The following UNC93A variants were observed in gnomAD, a reference collection of about 807,000 sequenced individuals.
The protein encoded by UNC93A is N-acetylglucosamine transporter UNC93A.
In UNC93A, 43 loss-of-function variants were observed where a neutral mutation model predicts 47.5. The ratio of observed to expected loss-of-function variants is 0.91; its 90% CI spans 0.71 to 1.17. The LOEUF (loss-of-function observed/expected upper bound fraction) is 1.17, where lower values mean the gene tolerates loss of function less well. Among genes scored for constraint, UNC93A ranks in the 50% most tolerant of loss-of-function variants. The probability of loss-of-function intolerance (pLI) is 0.00; values close to 1 mark genes in which losing one functional copy is unlikely to be tolerated. For synonymous variants in UNC93A, 280 were observed against 258.0 expected (o/e 1.09, Z -0.82); for missense variants, 605 against 577.6 (o/e 1.05, Z -0.49).
At chr6:167,273,851 GT>G (rs72371728) in intron 1 of UNC93A, among the ~76,000 whole-genome samples, 82,589 of 150,886 alleles carry the variant, frequency 0.55, 23,598 homozygotes, top group African/African-American at 0.71. Context: ...AAATATCTGG[GT>G]TAGGATAAGG....
chr6:167,307,543 A>T (rs1778434383), intron 6 of UNC93A, among the ~76,000 whole-genome samples: 1 of 151,188 alleles, frequency 6.6e-6, no homozygotes, highest in South Asian at 2.1e-4. Flanking sequence ...GATGGTTGAG[A>T]CAGTTGAGAT....
intron 1 of UNC93A, among the ~76,000 whole-genome samples, chr6:167,275,392 C>T (rs1223457745): frequency 6.6e-6 from 1 of 152,218 alleles, no homozygotes; most frequent in Non-Finnish European, 1.5e-5. Context: ...CCTTCCGTTT[C>T]CCTAATGATT....
intron 1 of UNC93A, among the ~76,000 whole-genome samples, chr6:167,278,491 AC>A (rs2115079082): frequency 6.6e-6 from 1 of 152,324 alleles, no homozygotes; most frequent in South Asian, 2.1e-4. Flanking sequence ...GCCTGCCCTC[AC>A]CTGACAATCA....
chr6:167,269,688 G>C (rs1783420590), upstream of UNC93A, among the ~76,000 whole-genome samples: 1 of 152,072 alleles, frequency 6.6e-6, no homozygotes, highest in Non-Finnish European at 1.5e-5. Context: ...CTCACTGCCA[G>C]CTCCGCCTCC....
At chr6:167,273,575 G>A (rs1271727903) in intron 1 of UNC93A, among the ~76,000 whole-genome samples, 1 of 152,198 alleles carries the variant, frequency 6.6e-6, no homozygotes, top group Non-Finnish European at 1.5e-5. Context: ...GATTTATTCT[G>A]AGCCAAACGT....
At position 167,305,084 on chromosome 6, in the gene UNC93A, C is replaced by T. The variant is rs543085523; in HGVS notation, c.841-831C>T. Among the ~76,000 whole-genome samples the T allele has an allele frequency of 3.4e-4, 49 of 143,950 alleles. 2 individuals carry two copies. The highest frequency in any genetic ancestry group is 7.2e-3 in the Middle Eastern group (2 of 276). The allele number at this position is 143,950 out of a possible 152,430, so 94.4% of individuals were successfully genotyped here. A position where few individuals can be genotyped will look rare whatever the true frequency, so the allele number is the denominator to read the frequency against. On this transcript the variant is annotated intron_variant, in intron 5 of 7. Transcript: ENST00000230256. ...CTGTGTCTGGCAGAGGCTCTCCTTC[C>T]GGAGGAAACTTCTCTGCTCCAGATC...
intron 1 of UNC93A, among the ~76,000 whole-genome samples, chr6:167,292,022 C>CA (rs1783852568): frequency 1.3e-5 from 2 of 152,204 alleles, no homozygotes; most frequent in Admixed American, 1.3e-4. Context: ...ACTTTGACAA[C>CA]ATGATCTCTC....
intron 1 of UNC93A, among the ~76,000 whole-genome samples, chr6:167,292,868 GTCC>G (rs748077980): frequency 6.6e-6 from 1 of 152,144 alleles, no homozygotes; most frequent in Non-Finnish European, 1.5e-5. Context: ...AGACCCTGCT[GTCC>G]TCCTGGCACA....
At chr6:167,273,533 A>G (rs1454390557) in intron 1 of UNC93A, among the ~76,000 whole-genome samples, 1 of 152,210 alleles carries the variant, frequency 6.6e-6, no homozygotes, top group Admixed American at 6.5e-5. Flanking sequence ...AGTTGTCTAT[A>G]AAAAGAGCCA....
At chr6:167,305,640 A>T (rs1368972864) in intron 5 of UNC93A, among the ~76,000 whole-genome samples, 3 of 152,184 alleles carry the variant, frequency 2.0e-5, no homozygotes, top group African/African-American at 7.2e-5. Context: ...CATATAAAAT[A>T]GTGCCCATTT....
intron 1 of UNC93A, among the ~76,000 whole-genome samples, chr6:167,274,184 TA>T (rs1400236201): frequency 2.0e-5 from 3 of 152,176 alleles, no homozygotes; most frequent in Non-Finnish European, 4.4e-5. Context: ...ACAGGGTTAG[TA>T]AGACCCCTCC....
In UNC93A at chr6:167,312,454, C is replaced by T. The variant is rs569319567; in HGVS notation, c.1109-2733C>T. On this transcript the variant is annotated intron_variant, in intron 7 of 7. Coordinates refer to ENST00000230256, the MANE Select transcript of UNC93A (RefSeq NM_018974.4). ...TACTCTGTAATTCTTCCATAAAAAACGCCTGTCCCTTCTCCCCGATGTATT... is the reference window on the plus strand; with the variant it reads ...TACTCTGTAATTCTTCCATAAAAAATGCCTGTCCCTTCTCCCCGATGTATT... 2.1e-3 allele frequency among the ~76,000 whole-genome samples: 313 copies of T among 150,870 alleles called. 2 individuals are homozygous for T. Among genetic ancestry groups the T allele is most frequent in the African/African-American group, 7.2e-3 (298 of 41,142 alleles).
upstream of UNC93A, among the ~76,000 whole-genome samples, chr6:167,290,237 T>G (rs115474983): frequency 1.3e-5 from 2 of 152,218 alleles, no homozygotes; most frequent in East Asian, 3.8e-4. Flanking sequence ...TATGTAAGCA[T>G]GATAGTCCAT....
intron 5 of UNC93A, 91 bp downstream of exon 5, chr6:167,304,224 A>C: frequency 5.6e-6 from 8 of 1,417,532 alleles, no homozygotes; most frequent in Non-Finnish European, 7.8e-6. Context: ...AGAGTGTCTC[A>C]GGCCACCTGC....
chr6:167,305,803 C>T (rs1267112796), intron 5 of UNC93A, 112 bp from the exon 6 acceptor site: 15 of 1,470,376 alleles, frequency 1.0e-5, no homozygotes, highest in African/African-American at 1.4e-5. Context: ...GTAGGCAACA[C>T]TGGCCTGCTG....
At chr6:167,295,329 C>T (rs546675708) in intron 2 of UNC93A, among the ~76,000 whole-genome samples, 4 of 152,362 alleles carry the variant, frequency 2.6e-5, no homozygotes, top group East Asian at 1.9e-4. Context: ...GGCATGCCGC[C>T]GCTGAGGCCC....
intron 4 of UNC93A, among the ~76,000 whole-genome samples, chr6:167,302,114 C>G (rs1027930713): frequency 6.6e-6 from 1 of 152,174 alleles, no homozygotes; most frequent in Non-Finnish European, 1.5e-5. Flanking sequence ...ATCTGCATTT[C>G]TAGGTGGAAC....
At chr6:167,278,480 G>A (rs976726615) in intron 1 of UNC93A, among the ~76,000 whole-genome samples, 5 of 152,164 alleles carry the variant, frequency 3.3e-5, no homozygotes, top group South Asian at 2.1e-4. Flanking sequence ...GAGGACCCAC[G>A]GCCTGCCCTC....
upstream of UNC93A, among the ~76,000 whole-genome samples, chr6:167,289,023 C>G (rs1404733804): frequency 6.6e-6 from 1 of 152,306 alleles, no homozygotes; most frequent in Non-Finnish European, 1.5e-5. Flanking sequence ...GCTATTGACA[C>G]CTTTTAAATC....
Sources: allele counts gnomAD v4.1 joint callset (sites outside exome capture counted in the v4.1 genomes callset), GRCh38; gene constraint gnomAD v4.1.1; transcripts MANE v1.5; gene names NCBI Gene and HGNC (gene_info 2026-07-23, HGNC 2026-07-21).